Variants in ENKUR observed in about 807,000 individuals in gnomAD.
ENKUR encodes the protein enkurin, TRPC channel interacting protein.
In ENKUR, 19 loss-of-function variants were observed where a neutral mutation model predicts 27.6. The ratio of observed to expected loss-of-function variants is 0.69; its 90% confidence interval spans 0.48 to 1.01. ENKUR has a LOEUF of 1.01. Among genes scored for constraint, ENKUR ranks in the 50% least tolerant of loss-of-function variants. The probability of loss-of-function intolerance (pLI) is 0.00; values close to 1 mark genes in which losing one functional copy is unlikely to be tolerated. For synonymous variants in ENKUR, 117 were observed against 96.9 expected, an observed-to-expected ratio of 1.21 and a Z score of -1.22; for missense variants, 312 against 310.5, an observed-to-expected ratio of 1.00 and a Z score of -0.04.
At chr10:25,023,662 A>G in intron 2 of ENKUR, 1 of 1,614,158 alleles carries the variant, frequency 6.2e-7, no homozygotes, top group Non-Finnish European at 8.5e-7. Flanking sequence ...GCATCTGAAG[A>G]AAAATGGAAT....
chr10:25,046,351 A>G (rs78244159), intron 2 of ENKUR, among the ~76,000 whole-genome samples: 34 of 152,330 alleles, frequency 2.2e-4, no homozygotes, highest in African/African-American at 7.5e-4. Context: ...TGATGAACGC[A>G]TTATGTCAAT....
At chr10:24,996,478 T>TATATAACAATAAA (rs1850061228) in intron 2 of ENKUR, among the ~76,000 whole-genome samples, 1 of 149,682 alleles carries the variant, frequency 6.7e-6, no homozygotes, top group Non-Finnish European at 1.5e-5. Flanking sequence ...ATATGAACAG[T>TATATAACAATAAA]ATATAAATAC....
At chr10:25,017,121 A>G (rs961366528), upstream of ENKUR, among the ~76,000 whole-genome samples, 77 of 152,322 alleles carry the variant, frequency 5.1e-4, no homozygotes, top group African/African-American at 1.7e-3. Context: ...GTCGTTCTCC[A>G]GGAACCAGTG....
intron 2 of ENKUR, among the ~76,000 whole-genome samples, chr10:25,042,539 C>G (rs1236567399): frequency 1.3e-5 from 2 of 152,046 alleles, no homozygotes; most frequent in African/African-American, 2.4e-5. Flanking sequence ...AGGTGATCCA[C>G]CCGCCTTGGC....
upstream of ENKUR, among the ~76,000 whole-genome samples, chr10:25,020,238 A>AT (rs1554772121): frequency 1.0e-4 from 13 of 126,562 alleles, no homozygotes; most frequent in East Asian, 5.7e-4. Context: ...TTTCTTTAAA[A>AT]TATATCTATA....
upstream of ENKUR, among the ~76,000 whole-genome samples, chr10:25,018,734 TAA>T (rs922547119): frequency 6.7e-6 from 1 of 148,730 alleles, no homozygotes; most frequent in African/African-American, 2.5e-5. Flanking sequence ...GATGAGTATA[TAA>T]GACAATTGGA....
At chr10:25,061,800 CTG>C (rs1851331647) in intron 1 of ENKUR, among the ~76,000 whole-genome samples, 1 of 152,200 alleles carries the variant, frequency 6.6e-6, no homozygotes, top group South Asian at 2.1e-4. Context: ...CCCTTCATCT[CTG>C]TCTCTTCAGT....
chr10:25,023,277 T>A lies in ENKUR; in HGVS notation c.38-27408A>T. The A allele has an allele frequency of 3.1e-6, 5 of 1,613,936 alleles. No individual in the cohort carries two copies. In the South Asian group the frequency reaches 5.5e-5, roughly 18 times the overall value. ...TGAAAAAGATAACACAGAAATGTTT[T>A]TCTAGTATACATGTTAAAACGGATA... On this transcript the variant is annotated intron_variant, in intron 2 of 5. Transcript: ENST00000615958.
chr10:25,053,630 T>A (rs1278037202), intron 2 of ENKUR, among the ~76,000 whole-genome samples: 1 of 152,152 alleles, frequency 6.6e-6, no homozygotes, highest in African/African-American at 2.4e-5. Context: ...CATAGGACAA[T>A]AATAGTAATA....
At chr10:25,031,005 C>T (rs1414388123) in intron 2 of ENKUR, among the ~76,000 whole-genome samples, 2 of 152,156 alleles carry the variant, frequency 1.3e-5, no homozygotes, top group Non-Finnish European at 2.9e-5. Flanking sequence ...GTAATCCCAG[C>T]TACTCAGGAG....
intron 2 of ENKUR, among the ~76,000 whole-genome samples, chr10:25,039,695 C>G (rs1157881652): frequency 6.6e-6 from 1 of 152,180 alleles, no homozygotes; most frequent in Admixed American, 6.5e-5. Context: ...TTTCAGTCAT[C>G]TACTGCTGCA....
At chr10:25,016,325 C>T (rs1421247058), upstream of ENKUR, among the ~76,000 whole-genome samples, 3 of 152,190 alleles carry the variant, frequency 2.0e-5, no homozygotes, top group Non-Finnish European at 4.4e-5. Flanking sequence ...AATGATGTCC[C>T]CTTAAAAACT....
intron 2 of ENKUR, among the ~76,000 whole-genome samples, chr10:25,059,761 C>T (rs1644127834): frequency 6.6e-6 from 1 of 151,956 alleles, no homozygotes; most frequent in South Asian, 2.1e-4. Context: ...GAGTTTGAAA[C>T]TGCAATGAGC....
chr10:25,024,161 T>G lies in ENKUR; in HGVS notation c.38-28292A>C, dbSNP rs749455650. ...ATACCTGCTGCCAGGTTGGGAGAAA[T>G]GATTGAAACTGCTTATGGGGAAAAC... On this transcript the variant is annotated intron_variant, in intron 2 of 5. Coordinates refer to the ENKUR transcript ENST00000615958. 2.5e-6 allele frequency: 4 copies of G among 1,614,000 alleles called. No homozygotes were observed. In the Admixed American group the frequency reaches 5.0e-5, roughly 20 times the overall value.
upstream of ENKUR, among the ~76,000 whole-genome samples, chr10:25,019,317 T>C (rs1257739560): frequency 6.6e-6 from 1 of 152,056 alleles, no homozygotes; most frequent in Non-Finnish European, 1.5e-5. Context: ...CTACTAAAAA[T>C]ACTAAAATTA....
At chr10:25,011,469 A>C (rs1410863185) in intron 1 of ENKUR, among the ~76,000 whole-genome samples, 2 of 152,184 alleles carry the variant, frequency 1.3e-5, no homozygotes, top group African/African-American at 4.8e-5. Context: ...CCTGAGAAAA[A>C]CAAGCAATAG....
At chr10:25,055,867 T>C (rs558163718) in intron 2 of ENKUR, among the ~76,000 whole-genome samples, 1 of 152,320 alleles carries the variant, frequency 6.6e-6, no homozygotes, top group East Asian at 1.9e-4. Context: ...AGCCAGCAAC[T>C]GATGCAACTC....
At chr10:25,027,361 A>C (rs1315763530) in intron 2 of ENKUR, among the ~76,000 whole-genome samples, 5 of 110,940 alleles carry the variant, frequency 4.5e-5, no homozygotes, top group African/African-American at 2.1e-4. Context: ...CCGTCTCAAA[A>C]AAAAAAAAAA....
intron 2 of ENKUR, among the ~76,000 whole-genome samples, chr10:24,998,800 G>A (rs113303797): frequency 7.2e-5 from 11 of 152,080 alleles, no homozygotes; most frequent in African/African-American, 2.7e-4. Flanking sequence ...AAAACACAAG[G>A]CTACTTGATC....
Sources: gnomAD v4.1 joint callset for allele counts (sites outside exome capture counted in the v4.1 genomes callset) on GRCh38, gnomAD v4.1.1 for gene constraint, MANE v1.5 for transcripts, NCBI Gene and HGNC (gene_info 2026-07-23, HGNC 2026-07-21) for gene names.